MAGI1: variants seen among roughly 807,000 people sequenced by gnomAD.
MAGI1 encodes membrane associated guanylate kinase, WW and PDZ domain containing 1.
In MAGI1, 58 loss-of-function variants were observed where a neutral mutation model predicts 139.9. That is an observed-to-expected ratio of 0.41 (90% CI 0.34 to 0.52). The LOEUF is 0.52. MAGI1 is among the 20% of genes least tolerant of loss of function. The pLI, the probability that MAGI1 is intolerant of heterozygous loss-of-function variation, is 0.12. For missense variants in MAGI1, 1,874 were observed against 1,901.6 expected (o/e 0.99, Z 0.27); for synonymous variants, 812 against 737.9 (o/e 1.10, Z -1.63).
rs556754224 is a variant in MAGI1, at chr3:65,354,867, A to G, written c.*1511T>C. 5.9e-5 allele frequency: 9 copies of G among 152,190 alleles called. No individual in the cohort carries two copies. Among genetic ancestry groups the G allele is most frequent in the Non-Finnish European group, 1.0e-4 (7 of 67,926 alleles). 9.4% of individuals were successfully genotyped at this position (152,190 alleles called of 1,614,324 possible). A position where few individuals can be genotyped will look rare whatever the true frequency, so the allele number is the denominator to read the frequency against. On this transcript the variant is annotated 3_prime_UTR_variant, in exon 23 of 23. Transcript: ENST00000402939. ...TACAATTTTTAGCTCTGTACACGCA[A>G]TGATTGGCTGGTTTTCTTTTTTTTT...
chr3:65,737,825 G>A (rs1213916286), intron 1 of MAGI1, among the ~76,000 whole-genome samples: 3 of 152,104 alleles, frequency 2.0e-5, no homozygotes, highest in East Asian at 1.9e-4. Context: ...AAGGGGTGAA[G>A]ATGGAAGCCT....
intron 1 of MAGI1, among the ~76,000 whole-genome samples, chr3:65,714,659 C>G (rs940130539): frequency 2.0e-5 from 3 of 152,038 alleles, no homozygotes; most frequent in Admixed American, 6.6e-5. Context: ...AAACCGAAGC[C>G]TGATACTGTC....
intron 2 of MAGI1, among the ~76,000 whole-genome samples, chr3:65,589,556 A>AC (rs1029893829): frequency 4.0e-5 from 6 of 151,126 alleles, no homozygotes; most frequent in East Asian, 1.9e-4. Flanking sequence ...TTCCTTGTTG[A>AC]CCCCCCCTGC....
rs143516013 is a variant in MAGI1 at position 65,935,672 on chromosome 3, C to A, written c.313+102324G>T. ...ACCTCACCCTTTGAATTTTGGCTGGCCTGGAAGTTGCTTTGACCAATAGAA... is the reference window on the plus strand; with the variant it reads ...ACCTCACCCTTTGAATTTTGGCTGGACTGGAAGTTGCTTTGACCAATAGAA... On this transcript the variant is annotated intron_variant, in intron 1 of 22. Transcript: ENST00000402939. Among the ~76,000 whole-genome samples, 291 of 152,210 alleles carry A rather than the reference C, an allele frequency of 1.9e-3. 1 individual carries two copies. The highest frequency in any genetic ancestry group is 6.6e-3 in the African/African-American group (273 of 41,536).
chr3:65,435,954 G>C (rs189717807), intron 10 of MAGI1, among the ~76,000 whole-genome samples: 1 of 152,142 alleles, frequency 6.6e-6, no homozygotes, highest in Non-Finnish European at 1.5e-5. Flanking sequence ...AAGAAGGCAT[G>C]AGCCTACAGA....
chr3:65,917,004 T>G (rs963749926), intron 1 of MAGI1, among the ~76,000 whole-genome samples: 1 of 152,210 alleles, frequency 6.6e-6, no homozygotes, highest in Non-Finnish European at 1.5e-5. Context: ...CTGCCAGGTG[T>G]TTTCTTATAT....
intron 2 of MAGI1, among the ~76,000 whole-genome samples, chr3:65,559,078 C>A (rs2080217663): frequency 6.6e-6 from 1 of 152,108 alleles, no homozygotes; most frequent in Non-Finnish European, 1.5e-5. Context: ...AGTCTTACAA[C>A]AACAAAGAAG....
At position 65,506,525 on chromosome 3, in the gene MAGI1, C is replaced by A. The variant is rs181146562; in HGVS notation, c.431-12894G>T. The stretch of plus-strand genomic sequence containing the variant: ...GATGAAATTTTCCATCCCTAATCAC[C>A]ATTTTTCAAAGTCACACAAGAATCT... On this transcript the variant is annotated intron_variant, in intron 2 of 22. Transcript: ENST00000402939. 1.1e-3 allele frequency among the ~76,000 whole-genome samples: 165 copies of A among 152,242 alleles called. 1 individual carries two copies. The highest frequency in any genetic ancestry group is 3.8e-3 in the African/African-American group (156 of 41,538).
At chr3:65,790,301 T>C (rs1274298434) in intron 1 of MAGI1, among the ~76,000 whole-genome samples, 1 of 152,198 alleles carries the variant, frequency 6.6e-6, no homozygotes, top group Non-Finnish European at 1.5e-5. Flanking sequence ...CTGATCCTAT[T>C]GCCTTCTTAA....
At chr3:65,996,546 G>T (rs1246337914) in intron 1 of MAGI1, among the ~76,000 whole-genome samples, 9 of 151,798 alleles carry the variant, frequency 5.9e-5, no homozygotes, top group Non-Finnish European at 1.5e-5. Context: ...ACTAAGGGGG[G>T]GGGGGGGGAA....
At chr3:65,809,313 G>T (rs2041069562) in intron 1 of MAGI1, among the ~76,000 whole-genome samples, 3 of 152,106 alleles carry the variant, frequency 2.0e-5, no homozygotes, top group Admixed American at 1.3e-4. Flanking sequence ...ACTAGGACAT[G>T]GTAACAGTTG....
intron 14 of MAGI1, among the ~76,000 whole-genome samples, chr3:65,389,125 G>T (rs1943689972): frequency 6.6e-6 from 1 of 152,038 alleles, no homozygotes; most frequent in Non-Finnish European, 1.5e-5. Context: ...TTATATGACT[G>T]AGCCGTGGCG....
rs1192413336 is a variant in MAGI1, at chr3:65,795,646, A to C, written c.314-173558T>G. Among the ~76,000 whole-genome samples, 5 of 151,270 alleles carry C rather than the reference A, an allele frequency of 3.3e-5. No individual in the cohort carries two copies. The South Asian group carries it at 8.4e-4, about 25-fold the overall frequency. Reference sequence around the variant, plus strand: ...GAATAAGAAGTTTAACTTAAAATGAAGCCTGCTCTATTTCGGTCTCCAAAG... The same window carrying C: ...GAATAAGAAGTTTAACTTAAAATGACGCCTGCTCTATTTCGGTCTCCAAAG... On this transcript the variant is annotated intron_variant, in intron 1 of 22. Coordinates refer to ENST00000402939, the MANE Select transcript of MAGI1 (RefSeq NM_001033057.2).
intron 1 of MAGI1, among the ~76,000 whole-genome samples, chr3:65,775,073 C>A (rs1246008853): frequency 6.6e-6 from 1 of 152,162 alleles, no homozygotes; most frequent in Non-Finnish European, 1.5e-5. Flanking sequence ...CAAAGAGCCA[C>A]ATGAATGTAA....
intron 2 of MAGI1, among the ~76,000 whole-genome samples, chr3:65,552,259 G>GGGGTGTGTGT (rs373009364): frequency 6.8e-6 from 1 of 147,940 alleles, no homozygotes; most frequent in African/African-American, 2.5e-5. Context: ...TGTGTATAGG[G>GGGGTGTGTGT]GTGTGTGTGT....
At chr3:65,367,960 A>AT (rs1941595196) in intron 18 of MAGI1, among the ~76,000 whole-genome samples, 2 of 152,216 alleles carry the variant, frequency 1.3e-5, no homozygotes, top group Admixed American at 1.3e-4. Flanking sequence ...CAGCACCAAA[A>AT]TAATTTTAGG....
intron 2 of MAGI1, among the ~76,000 whole-genome samples, chr3:65,620,622 T>C (rs530674410): frequency 6.6e-6 from 1 of 152,340 alleles, no homozygotes; most frequent in South Asian, 2.1e-4. Context: ...TATAAGAAAT[T>C]ACTACGAGGT....
At chr3:65,376,555 A>G (rs1942548192) in intron 17 of MAGI1, among the ~76,000 whole-genome samples, 1 of 152,176 alleles carries the variant, frequency 6.6e-6, no homozygotes, top group South Asian at 2.1e-4. Flanking sequence ...AAAGGGTGTA[A>G]TTATAAGAGA....
intron 12 of MAGI1, among the ~76,000 whole-genome samples, chr3:65,415,287 C>T (rs907860804): frequency 6.6e-6 from 1 of 152,190 alleles, no homozygotes; most frequent in African/African-American, 2.4e-5. Flanking sequence ...CTGCTTCAGC[C>T]TCTCCTCCAC....
Sources: gnomAD v4.1 joint callset for allele counts (sites outside exome capture counted in the v4.1 genomes callset) on GRCh38, gnomAD v4.1.1 for gene constraint, MANE v1.5 for transcripts, NCBI Gene and HGNC (gene_info 2026-07-23, HGNC 2026-07-21) for gene names.